Variants in SPRYD4 observed in about 807,000 individuals in gnomAD.
The protein encoded by SPRYD4 is SPRY domain containing 4, also known as SPRY domain-containing protein 4.
A neutral mutation model predicts 16.6 loss-of-function variants in SPRYD4; 12 were observed. The observed-to-expected ratio is 0.72, with a 90% CI of 0.46 to 1.17. The LOEUF (loss-of-function observed/expected upper bound fraction) is 1.17. Ranked by LOEUF, SPRYD4 falls within the 50% of genes most tolerant of loss-of-function variation. The probability of loss-of-function intolerance (pLI) is 0.00; values close to 1 mark genes in which losing one functional copy is unlikely to be tolerated. For missense variants in SPRYD4, 260 were observed against 260.2 expected (o/e 1.00, Z 0.00); for synonymous variants, 98 against 105.4 (o/e 0.93, Z 0.43).
Position 56,475,775 on chromosome 12 carries a change from G to A in SPRYD4, c.*6198G>A, listed in dbSNP as rs1869751993. On this transcript the variant is annotated 3_prime_UTR_variant, in exon 2 of 2. Coordinates refer to ENST00000338146, the MANE Select transcript of SPRYD4 (RefSeq NM_207344.4). ...ACTAGCCCTTCTGAACTCAGGTCTT[G>A]TCAAGAGGCTTTCCTCTCTGAGGCC... 5 of 1,449,054 alleles carry A rather than the reference G, an allele frequency of 3.5e-6. No individual in the cohort carries two copies. The highest frequency in any genetic ancestry group is 1.8e-5 in the Admixed American group (1 of 54,998). The allele number at this position is 1,449,054 out of a possible 1,614,324, so 89.8% of individuals were successfully genotyped here.
rs1041538135 is a variant in SPRYD4 at position 56,472,058 on chromosome 12, T to C, written c.*2481T>C. ...GAGGGCACATATAATGAAGGTACTT[T>C]TGGTGAAAAAGAAAGGGTCTTATGA... is the stretch of plus-strand genomic sequence containing the variant. On this transcript the variant is annotated 3_prime_UTR_variant, in exon 2 of 2. Coordinates refer to ENST00000338146, the MANE Select transcript of SPRYD4 (RefSeq NM_207344.4). 6.4e-7 allele frequency: 1 copy of C among 1,562,112 alleles called. No homozygotes were observed. Among genetic ancestry groups the C allele is most frequent in the South Asian group, 1.1e-5 (1 of 88,988 alleles).
Position 56,475,316 on chromosome 12 carries a change from A to C in SPRYD4, c.*5739A>C. ...TTTGTTATAAAGTAAACCCAAACCA[A>C]ACACCCCAAACTGTCTAGTCATCTA... On this transcript the variant is annotated 3_prime_UTR_variant, in exon 2 of 2. Coordinates refer to ENST00000338146, the MANE Select transcript of SPRYD4 (RefSeq NM_207344.4). 1 of 1,303,262 alleles carries C rather than the reference A, an allele frequency of 7.7e-7. No homozygotes were observed. The highest frequency in any genetic ancestry group is 1.0e-6 in the Non-Finnish European group (1 of 962,608). The allele number at this position is 1,303,262 out of a possible 1,614,324, so 80.7% of individuals were successfully genotyped here.
rs150327616 is a variant in SPRYD4, at chr12:56,469,436, G to A, written c.483G>A (p.Lys161=). The part of the protein sequence containing the change: ...VGLLLEYEAQ[K]LSLVDVSQVS... ...TGTTGCTGGAGTATGAGGCCCAGAAGCTGAGCCTGGTGGATGTGAGCCAGG... is the reference window on the plus strand; with the variant it reads ...TGTTGCTGGAGTATGAGGCCCAGAAACTGAGCCTGGTGGATGTGAGCCAGG... Residue 161 remains lysine (K), a synonymous_variant, in exon 2 of 2, where the codon AAG becomes AAA. Coordinates refer to ENST00000338146, the MANE Select transcript of SPRYD4 (RefSeq NM_207344.4). 37 of 1,614,010 alleles carry A rather than the reference G, an allele frequency of 2.3e-5. No homozygotes were observed. In the African/African-American group the frequency reaches 4.5e-4, roughly 20 times the overall value.
At position 56,472,637 on chromosome 12, in the gene SPRYD4, A is replaced by G; in HGVS notation, c.*3060A>G. On this transcript the variant is annotated 3_prime_UTR_variant, in exon 2 of 2. Coordinates refer to ENST00000338146, the MANE Select transcript of SPRYD4 (RefSeq NM_207344.4). ...TATTTTGTTACGCTGCCTCCTAGTAAAATCTCTGACCAGGAGTATTTTATT... is the reference window on the plus strand; with the variant it reads ...TATTTTGTTACGCTGCCTCCTAGTAGAATCTCTGACCAGGAGTATTTTATT... 6.5e-7 allele frequency: 1 copy of G among 1,533,318 alleles called. No individual in the cohort carries two copies. Among genetic ancestry groups the G allele is most frequent in the Non-Finnish European group, 9.0e-7 (1 of 1,107,412 alleles). 95.0% of individuals were successfully genotyped at this position (1,533,318 alleles called of 1,614,324 possible). A position where few individuals can be genotyped will look rare whatever the true frequency, so the allele number is the denominator to read the frequency against.
chr12:56,471,879 G>A lies in SPRYD4; in HGVS notation c.*2302G>A, dbSNP rs1159142162. 1.9e-6 allele frequency: 3 copies of A among 1,592,150 alleles called. No individual in the cohort carries two copies. Among genetic ancestry groups the A allele is most frequent in the South Asian group, 1.1e-5 (1 of 90,326 alleles). On this transcript the variant is annotated 3_prime_UTR_variant, in exon 2 of 2. Transcript: ENST00000338146. ...AGGAAAATGAGAAGGCGCAGGTCTTGAACCCTTTGGTGCAGACACTTAGCC... is the reference window on the plus strand; with the variant it reads ...AGGAAAATGAGAAGGCGCAGGTCTTAAACCCTTTGGTGCAGACACTTAGCC...
In SPRYD4 at chr12:56,475,997, T is replaced by A; in HGVS notation, c.*6420T>A. 3.7e-6 allele frequency: 6 copies of A among 1,611,466 alleles called. No homozygotes were observed. Among genetic ancestry groups the A allele is most frequent in the Non-Finnish European group, 5.1e-6 (6 of 1,179,514 alleles). On this transcript the variant is annotated 3_prime_UTR_variant, in exon 2 of 2. Coordinates refer to ENST00000338146, the MANE Select transcript of SPRYD4 (RefSeq NM_207344.4). The stretch of plus-strand genomic sequence containing the variant: ...GTCCATCTGCAGAGAAAGAGAGAGA[T>A]GTCAGCATTCTAAGTGTAGGAGGAT...
At position 56,475,659 on chromosome 12, in the gene SPRYD4, C is replaced by T. The variant is rs1353666623; in HGVS notation, c.*6082C>T. The T allele has an allele frequency of 8.7e-6, 14 of 1,614,060 alleles. No homozygotes were observed. Among genetic ancestry groups the T allele is most frequent in the Non-Finnish European group, 1.2e-5 (14 of 1,180,048 alleles). Reference sequence around the variant, plus strand: ...TGAAACCCATGTATTCATTCCCAGCCATTTTGTTGAGATACTGCAACACCT... The same window carrying T: ...TGAAACCCATGTATTCATTCCCAGCTATTTTGTTGAGATACTGCAACACCT... On this transcript the variant is annotated 3_prime_UTR_variant, in exon 2 of 2. Transcript: ENST00000338146.
At position 56,472,641 on chromosome 12, in the gene SPRYD4, C is replaced by A. The variant is rs936011017; in HGVS notation, c.*3064C>A. 2.6e-6 allele frequency: 4 copies of A among 1,539,756 alleles called. No individual in the cohort carries two copies. Among genetic ancestry groups the A allele is most frequent in the South Asian group, 1.1e-5 (1 of 89,068 alleles). ...TTGTTACGCTGCCTCCTAGTAAAAT[C>A]TCTGACCAGGAGTATTTTATTGTGT... On this transcript the variant is annotated 3_prime_UTR_variant, in exon 2 of 2. Coordinates refer to ENST00000338146, the MANE Select transcript of SPRYD4 (RefSeq NM_207344.4).
In SPRYD4 at chr12:56,473,805, T is replaced by C. The variant is rs908671660; in HGVS notation, c.*4228T>C. 8.6e-6 allele frequency: 5 copies of C among 583,428 alleles called. No individual in the cohort carries two copies. Among genetic ancestry groups the C allele is most frequent in the Admixed American group, 3.6e-5 (1 of 27,832 alleles). 36.1% of individuals were successfully genotyped at this position (583,428 alleles called of 1,614,324 possible). On this transcript the variant is annotated 3_prime_UTR_variant, in exon 2 of 2. Coordinates refer to ENST00000338146, the MANE Select transcript of SPRYD4 (RefSeq NM_207344.4). ...AGCTAGAAAATATTTTTTGAAATACTTACAGCATTCTGTGCTAGATGCTGT... is the reference window on the plus strand; with the variant it reads ...AGCTAGAAAATATTTTTTGAAATACCTACAGCATTCTGTGCTAGATGCTGT...
In SPRYD4 at chr12:56,472,524, CTT is replaced by C; in HGVS notation, c.*2953_*2954del. ...TAATTATCATAGAGCAGACAGTTTA[CTT>C]TTTTTAAAAAAAATCTCCTTTTTTA... On this transcript the variant is annotated 3_prime_UTR_variant, in exon 2 of 2. Transcript: ENST00000338146. 1 of 648,740 alleles carries C rather than the reference CTT, an allele frequency of 1.5e-6. No individual in the cohort carries two copies. The highest frequency in any genetic ancestry group is 2.7e-6 in the Non-Finnish European group (1 of 375,256). The allele number at this position is 648,740 out of a possible 1,614,324, so 40.2% of individuals were successfully genotyped here.
chr12:56,473,437 T>G lies in SPRYD4; in HGVS notation c.*3860T>G. Reference sequence around the variant, plus strand: ...AACAAATTTATTGCTTCAAAAATAGTAAGTACTATATGCAAAGCATCTCAC... The same window carrying G: ...AACAAATTTATTGCTTCAAAAATAGGAAGTACTATATGCAAAGCATCTCAC... On this transcript the variant is annotated 3_prime_UTR_variant, in exon 2 of 2. Transcript: ENST00000338146. 1 of 1,605,296 alleles carries G rather than the reference T, an allele frequency of 6.2e-7. No homozygotes were observed. Among genetic ancestry groups the G allele is most frequent in the African/African-American group, 1.3e-5 (1 of 74,628 alleles).
In SPRYD4 at chr12:56,477,357, C is replaced by T. The variant is rs1869911746; in HGVS notation, c.*7780C>T. The T allele has an allele frequency of 4.1e-6, 1 of 245,996 alleles. No individual in the cohort carries two copies. Among genetic ancestry groups the T allele is most frequent in the Non-Finnish European group, 7.8e-6 (1 of 128,222 alleles). 15.2% of individuals were successfully genotyped at this position (245,996 alleles called of 1,614,324 possible). ...CCTCCCCTTGTCTCTGGCATTTGGCCCTTGGTCCTAGGCAGGGGTCAGGAC... is the reference window on the plus strand; with the variant it reads ...CCTCCCCTTGTCTCTGGCATTTGGCTCTTGGTCCTAGGCAGGGGTCAGGAC... On this transcript the variant is annotated 3_prime_UTR_variant, in exon 2 of 2. Transcript: ENST00000338146.
At position 56,469,493 on chromosome 12, in the gene SPRYD4, C is replaced by G; in HGVS notation, c.540C>G (p.Phe180Leu). 1 of 1,614,114 alleles carries G rather than the reference C, an allele frequency of 6.2e-7. No homozygotes were observed. The highest frequency in any genetic ancestry group is 1.1e-5 in the South Asian group (1 of 91,072). Residue 180 changes from phenylalanine (F) to leucine (L), a missense_variant, in exon 2 of 2, where the codon TTC becomes TTG. Phe to Leu is a conservative substitution (Grantham distance 22). Transcript: ENST00000338146. Reference sequence around the variant, plus strand: ...TGGTTCACACGCTACAGACAGATTTCCGGGGTCCAGTGGTGCCTGCCTTTG... The same window carrying G: ...TGGTTCACACGCTACAGACAGATTTGCGGGGTCCAGTGGTGCCTGCCTTTG... ...VSVVHTLQTD[F>L]RGPVVPAFAL...
chr12:56,474,703 G>A lies in SPRYD4; in HGVS notation c.*5126G>A, dbSNP rs781036223. 2 of 1,611,084 alleles carry A rather than the reference G, an allele frequency of 1.2e-6. No individual in the cohort carries two copies. Among genetic ancestry groups the A allele is most frequent in the South Asian group, 1.1e-5 (1 of 90,746 alleles). The stretch of plus-strand genomic sequence containing the variant: ...CCATGACACTGCCTGATTCACAAGT[G>A]ACCTCCACAGAACACAGCTATGAAA... On this transcript the variant is annotated 3_prime_UTR_variant, in exon 2 of 2. Coordinates refer to ENST00000338146, the MANE Select transcript of SPRYD4 (RefSeq NM_207344.4).
chr12:56,475,775 G>C lies in SPRYD4; in HGVS notation c.*6198G>C. 1 of 1,449,186 alleles carries C rather than the reference G, an allele frequency of 6.9e-7. No homozygotes were observed. The highest frequency in any genetic ancestry group is 2.3e-5 in the East Asian group (1 of 42,806). 89.8% of individuals were successfully genotyped at this position (1,449,186 alleles called of 1,614,324 possible). On this transcript the variant is annotated 3_prime_UTR_variant, in exon 2 of 2. Transcript: ENST00000338146. Reference sequence around the variant, plus strand: ...ACTAGCCCTTCTGAACTCAGGTCTTGTCAAGAGGCTTTCCTCTCTGAGGCC... The same window carrying C: ...ACTAGCCCTTCTGAACTCAGGTCTTCTCAAGAGGCTTTCCTCTCTGAGGCC...
intron 1 of SPRYD4, 78 bp downstream of exon 1, chr12:56,468,754 A>G (rs182275613): frequency 1.5e-4 from 218 of 1,462,714 alleles, no homozygotes; most frequent in Non-Finnish European, 1.9e-4. Flanking sequence ...CCGAGAAGCA[A>G]CTCCAACCCT....
Position 56,478,986 on chromosome 12 carries a change from GAAAAAA to G in SPRYD4, c.*9424_*9429del. The G allele has an allele frequency of 4.3e-5, 58 of 1,354,228 alleles. No individual in the cohort carries two copies. The highest frequency in any genetic ancestry group is 2.6e-4 in the Middle Eastern group (1 of 3,850). 83.9% of individuals were successfully genotyped at this position (1,354,228 alleles called of 1,614,324 possible). A position where few individuals can be genotyped will look rare whatever the true frequency, so the allele number is the denominator to read the frequency against. ...GTGACAGAGCAAAACTCTGTCTCAG[GAAAAAA>G]AAAAAAAAAAAAAATCTGGCCCAGG... On this transcript the variant is annotated 3_prime_UTR_variant, in exon 2 of 2. Coordinates refer to ENST00000338146, the MANE Select transcript of SPRYD4 (RefSeq NM_207344.4).
At position 56,473,694 on chromosome 12, in the gene SPRYD4, T is replaced by G. The variant is rs927305718; in HGVS notation, c.*4117T>G. The stretch of plus-strand genomic sequence containing the variant: ...CTTAACAAGTTTACAAATGACTGCA[T>G]GACCACAATCCACCTCAACCTTTTG... On this transcript the variant is annotated 3_prime_UTR_variant, in exon 2 of 2. Coordinates refer to ENST00000338146, the MANE Select transcript of SPRYD4 (RefSeq NM_207344.4). 18 of 1,429,800 alleles carry G rather than the reference T, an allele frequency of 1.3e-5. No homozygotes were observed. The highest frequency in any genetic ancestry group is 2.8e-6 in the Non-Finnish European group (3 of 1,069,912). The allele number at this position is 1,429,800 out of a possible 1,614,324, so 88.6% of individuals were successfully genotyped here.
At chr12:56,468,762 C>G in intron 1 of SPRYD4, 86 bp downstream of exon 1, 2 of 1,421,070 alleles carry the variant, frequency 1.4e-6, no homozygotes, top group South Asian at 2.3e-5. Flanking sequence ...CAACTCCAAC[C>G]CTCTCGGGTC....
Sources: allele counts gnomAD v4.1 joint callset, GRCh38; gene constraint gnomAD v4.1.1; transcripts MANE v1.5; gene names NCBI Gene and HGNC (gene_info 2026-07-23, HGNC 2026-07-21).